MMP16: variants seen among roughly 807,000 people sequenced by gnomAD.
The protein encoded by MMP16 is matrix metallopeptidase 16.
Under a neutral mutation model 67.8 loss-of-function variants are expected in MMP16, and 12 were observed. That is an observed-to-expected ratio of 0.18 (90% CI 0.11 to 0.29). The LOEUF is 0.29. Ranked by LOEUF, MMP16 falls within the 10% of genes least tolerant of loss-of-function variation. The pLI is 1.00. For synonymous variants in MMP16, 249 were observed against 255.9 expected, an observed-to-expected ratio of 0.97 and a Z score of 0.26; for missense variants, 475 against 765.7, an observed-to-expected ratio of 0.62 and a Z score of 4.48.
chr8:88,243,595 A>G (rs1449445125), intron 1 of MMP16, among the ~76,000 whole-genome samples: 2 of 152,150 alleles, frequency 1.3e-5, no homozygotes, highest in African/African-American at 4.8e-5. Context: ...AGACGCTTAA[A>G]AGTCTGTTTT....
At chr8:88,308,428 C>T (rs528663565) in intron 1 of MMP16, among the ~76,000 whole-genome samples, 2 of 152,110 alleles carry the variant, frequency 1.3e-5, no homozygotes, top group African/African-American at 2.4e-5. Context: ...AGTAGAATTG[C>T]CCCAGACAAG....
intron 1 of MMP16, among the ~76,000 whole-genome samples, chr8:88,219,829 G>A (rs756220351): frequency 1.3e-5 from 2 of 152,016 alleles, no homozygotes; most frequent in Non-Finnish European, 2.9e-5. Context: ...AATCCGAAGA[G>A]CTTTGAATTT....
chr8:88,251,058 G>A (rs1490450314), intron 1 of MMP16, among the ~76,000 whole-genome samples: 1 of 151,478 alleles, frequency 6.6e-6, no homozygotes, highest in Non-Finnish European at 1.5e-5. Flanking sequence ...ATAGTTTACT[G>A]AGAATGATGA....
chr8:88,123,157 G>A (rs1305405019), intron 4 of MMP16, among the ~76,000 whole-genome samples: 1 of 151,918 alleles, frequency 6.6e-6, no homozygotes, highest in Non-Finnish European at 1.5e-5. Flanking sequence ...GGGTATTTTA[G>A]CACTCTATCT....
At chr8:88,098,914 A>C (rs768064225) in intron 6 of MMP16, among the ~76,000 whole-genome samples, 7 of 151,898 alleles carry the variant, frequency 4.6e-5, no homozygotes, top group Non-Finnish European at 8.8e-5. Context: ...CCATTCTATG[A>C]ATGATACATA....
chr8:88,060,848 T>A (rs1808389883), intron 7 of MMP16, among the ~76,000 whole-genome samples: 1 of 152,004 alleles, frequency 6.6e-6, no homozygotes, highest in Non-Finnish European at 1.5e-5. Flanking sequence ...CAAAGAACCA[T>A]GTTTAATATT....
At chr8:88,189,611 T>C (rs554661089) in intron 2 of MMP16, among the ~76,000 whole-genome samples, 1 of 152,320 alleles carries the variant, frequency 6.6e-6, no homozygotes, top group African/African-American at 2.4e-5. Context: ...TGAAATGCCT[T>C]TGTAGAAAGA....
In MMP16 at chr8:88,039,501, T is replaced by A. The variant is rs745772066; in HGVS notation, c.*1960A>T. The A allele has an allele frequency of 6.6e-6, 1 of 152,544 alleles. No homozygotes were observed. The highest frequency in any genetic ancestry group is 2.4e-5 in the African/African-American group (1 of 41,426). The allele number at this position is 152,544 out of a possible 1,614,324, so 9.4% of individuals were successfully genotyped here. The stretch of plus-strand genomic sequence containing the variant: ...CCAGATTTCCTTCAGTTTGTGCCAG[T>A]TTGCAAGTTAAAGGTCAAAGGGCAA... On this transcript the variant is annotated 3_prime_UTR_variant, in exon 10 of 10. Coordinates refer to ENST00000286614, the MANE Select transcript of MMP16 (RefSeq NM_005941.5). This position sits in a 1 kb window ranked among gnomAD's most constrained non-coding sequence, Gnocchi z 4.5.
At chr8:88,246,840 C>A (rs918268134) in intron 1 of MMP16, among the ~76,000 whole-genome samples, 1 of 152,008 alleles carries the variant, frequency 6.6e-6, no homozygotes, top group Non-Finnish European at 1.5e-5. Context: ...AGAGATAGTT[C>A]TAAAATAAGA....
Position 88,041,386 on chromosome 8 carries a change from G to A in MMP16, c.*75C>T. 6.9e-7 allele frequency: 1 copy of A among 1,455,744 alleles called. No individual in the cohort carries two copies. The highest frequency in any genetic ancestry group is 9.4e-7 in the Non-Finnish European group (1 of 1,062,066). 90.2% of individuals were successfully genotyped at this position (1,455,744 alleles called of 1,614,324 possible). A position where few individuals can be genotyped will look rare whatever the true frequency, so the allele number is the denominator to read the frequency against. On this transcript the variant is annotated 3_prime_UTR_variant, in exon 10 of 10. Coordinates refer to ENST00000286614, the MANE Select transcript of MMP16 (RefSeq NM_005941.5). This position sits in a 1 kb window ranked among gnomAD's most constrained non-coding sequence, Gnocchi z 6.0. The stretch of plus-strand genomic sequence containing the variant: ...CAAGCCTGCTCCTAGCTAGGAAACA[G>A]CATAACAGCTCTTGTCTTGAATCTC...
intron 7 of MMP16, among the ~76,000 whole-genome samples, chr8:88,073,715 C>A (rs1307067806): frequency 6.6e-6 from 1 of 152,130 alleles, no homozygotes; most frequent in Non-Finnish European, 1.5e-5. Context: ...ATTGTAAGCA[C>A]CATAGCATTA....
At chr8:88,042,782 A>G (rs1164830575) in intron 9 of MMP16, among the ~76,000 whole-genome samples, 1 of 151,966 alleles carries the variant, frequency 6.6e-6, no homozygotes, top group Non-Finnish European at 1.5e-5. Context: ...AAATATGGAC[A>G]TTTTTCTTAG....
chr8:88,096,070 A>G (rs986965034), intron 6 of MMP16, among the ~76,000 whole-genome samples: 3 of 151,986 alleles, frequency 2.0e-5, no homozygotes, highest in African/African-American at 7.2e-5. Flanking sequence ...TACAATCCCT[A>G]ATCCACAGTT....
At chr8:88,187,085 C>T (rs772643739) in intron 2 of MMP16, among the ~76,000 whole-genome samples, 28 of 152,174 alleles carry the variant, frequency 1.8e-4, no homozygotes, top group Non-Finnish European at 3.7e-4. Context: ...TAGCAGTCAA[C>T]TGTTTGTTCA....
chr8:88,165,422 C>A (rs1808696636), intron 4 of MMP16, among the ~76,000 whole-genome samples: 1 of 151,794 alleles, frequency 6.6e-6, no homozygotes, highest in Admixed American at 6.6e-5. Flanking sequence ...TCCATTATTG[C>A]AATAAAATAA....
chr8:88,182,970 C>T (rs942557461), intron 3 of MMP16, among the ~76,000 whole-genome samples: 3 of 151,968 alleles, frequency 2.0e-5, no homozygotes, highest in Non-Finnish European at 2.9e-5. Context: ...GCTACATTCT[C>T]TATAGTTCCA....
chr8:88,072,699 C>A (rs1586135557), intron 7 of MMP16, among the ~76,000 whole-genome samples: 1 of 152,246 alleles, frequency 6.6e-6, no homozygotes, highest in East Asian at 1.9e-4. Flanking sequence ...GTTTATTGAG[C>A]ACCTACTATG....
intron 4 of MMP16, among the ~76,000 whole-genome samples, chr8:88,160,369 CATT>C (rs1177178344): frequency 7.2e-5 from 11 of 151,918 alleles, no homozygotes; most frequent in Admixed American, 7.2e-4. Flanking sequence ...TCCAGTCTAT[CATT>C]GTTGGACATT....
chr8:88,192,212 T>A (rs1809180006), intron 2 of MMP16, among the ~76,000 whole-genome samples: 1 of 152,216 alleles, frequency 6.6e-6, no homozygotes, highest in Non-Finnish European at 1.5e-5. Context: ...GGAAGATTTT[T>A]AAAAGTAAAT....
Sources: gnomAD v4.1 joint callset for allele counts (sites outside exome capture counted in the v4.1 genomes callset) on GRCh38, gnomAD v4.1.1 for gene constraint, Gnocchi (gnomAD v3.1) non-coding constraint, MANE v1.5 for transcripts, NCBI Gene and HGNC (gene_info 2026-07-23, HGNC 2026-07-21) for gene names.